Variants in PCDHA3 observed in about 807,000 individuals in gnomAD.
The protein encoded by PCDHA3 is protocadherin alpha-3.
Under a neutral mutation model 62.2 loss-of-function variants are expected in PCDHA3, and 41 were observed. The observed-to-expected ratio is 0.66, with a 90% CI of 0.51 to 0.86. The LOEUF is 0.86. Ranked by LOEUF, PCDHA3 falls within the 40% of genes least tolerant of loss-of-function variation. PCDHA3 has a pLI of 0.00. For synonymous variants in PCDHA3, 640 were observed against 555.4 expected, an observed-to-expected ratio of 1.15 and a Z score of -2.14; for missense variants, 1,304 against 1,241.2, an observed-to-expected ratio of 1.05 and a Z score of -0.76.
intron 1 of PCDHA3, chr5:140,821,907 T>C: frequency 6.2e-7 from 1 of 1,614,212 alleles, no homozygotes; most frequent in Non-Finnish European, 8.5e-7. Context: ...GAACCTTCGT[T>C]GGCCGCATCG....
chr5:140,809,480 C>T (rs1554125244), intron 1 of PCDHA3: 2 of 1,614,122 alleles, frequency 1.2e-6, no homozygotes, highest in Admixed American at 1.7e-5. Flanking sequence ...TGAGGGCCCA[C>T]CCAAGACCGA....
rs1554131961 is a variant in PCDHA3, at chr5:140,829,444, T to C, written c.2394+25853T>C. On this transcript the variant is annotated intron_variant, in intron 1 of 3. Coordinates refer to ENST00000522353, the MANE Select transcript of PCDHA3 (RefSeq NM_018906.3). Reference sequence around the variant, plus strand: ...TGGAGGTGGCCGACATGAATGACAATGCTCCGGCGTTCGCGCAGCCCGAGT... The same window carrying C: ...TGGAGGTGGCCGACATGAATGACAACGCTCCGGCGTTCGCGCAGCCCGAGT... 6.8e-6 allele frequency: 11 copies of C among 1,613,940 alleles called. No homozygotes were observed. The East Asian group carries it at 1.3e-4, about 20-fold the overall frequency.
intron 1 of PCDHA3, chr5:140,841,217 C>A: frequency 7.0e-7 from 1 of 1,422,140 alleles, no homozygotes; most frequent in Non-Finnish European, 9.5e-7. Context: ...TCTCTAAAGG[C>A]CGAACAACGG....
In PCDHA3 at chr5:140,838,075, ATAGTGTGTGTGTGTGTGT is replaced by A. The variant is rs1389630911; in HGVS notation, c.2394+34485_2394+34502del. ...GTTTTCCACTTTAAGTTATATATAT[ATAGTGTGTGTGTGTGTGT>A]GTGTGTGTGTGTGTGTGTGTGTGTG... On this transcript the variant is annotated intron_variant, in intron 1 of 3. Coordinates refer to ENST00000522353, the MANE Select transcript of PCDHA3 (RefSeq NM_018906.3). Among the ~76,000 whole-genome samples the A allele has an allele frequency of 3.2e-3, 416 of 128,230 alleles. 8 individuals are homozygous for A. The highest frequency in any genetic ancestry group is 9.2e-3 in the African/African-American group (302 of 32,656). The allele number at this position is 128,230 out of a possible 152,430, so 84.1% of individuals were successfully genotyped here.
intron 1 of PCDHA3, among the ~76,000 whole-genome samples, chr5:140,978,464 C>T (rs1281042342): frequency 5.3e-5 from 8 of 152,226 alleles, no homozygotes; most frequent in Non-Finnish European, 2.9e-5. Flanking sequence ...CGCCCTGGGT[C>T]AAATATGCTG....
chr5:140,998,664 A>C (rs1204598567), intron 3 of PCDHA3, among the ~76,000 whole-genome samples: 1 of 151,936 alleles, frequency 6.6e-6, no homozygotes, highest in Non-Finnish European at 1.5e-5. Flanking sequence ...TCCTGGGTTC[A>C]AGTGATTCTC....
intron 3 of PCDHA3, among the ~76,000 whole-genome samples, chr5:140,985,779 G>A (rs2097170620): frequency 7.9e-6 from 1 of 126,148 alleles, no homozygotes; most frequent in Non-Finnish European, 1.6e-5. Flanking sequence ...TCGCTCTGTC[G>A]CCCAGGCTGG....
Position 140,809,392 on chromosome 5 carries a change from C to T in PCDHA3, c.2394+5801C>T, listed in dbSNP as rs782047510. The T allele has an allele frequency of 2.5e-6, 4 of 1,614,100 alleles. No homozygotes were observed. The South Asian group carries it at 4.4e-5, about 18-fold the overall frequency. ...CCACCGAGGGCGCGTGCGCTCCGGG[C>T]AAGCCCACGCTGGTGTGCTCCAGTG... On this transcript the variant is annotated intron_variant, in intron 1 of 3. Transcript: ENST00000522353.
At chr5:140,986,461 C>A (rs1554248079) in intron 3 of PCDHA3, among the ~76,000 whole-genome samples, 1 of 152,154 alleles carries the variant, frequency 6.6e-6, no homozygotes. Flanking sequence ...TTAATGAATG[C>A]CCTCTTGTGA....
intron 1 of PCDHA3, among the ~76,000 whole-genome samples, chr5:140,819,138 A>G (rs1283315927): frequency 6.6e-6 from 1 of 152,218 alleles, no homozygotes; most frequent in Non-Finnish European, 1.5e-5. Context: ...ATAATAGAAT[A>G]AATTAATTTT....
At position 140,858,665 on chromosome 5, in the gene PCDHA3, A is replaced by G. The variant is rs2045550518; in HGVS notation, c.2394+55074A>G. On this transcript the variant is annotated intron_variant, in intron 1 of 3. Transcript: ENST00000522353. ...GGTACTTAAATTTTTTTAAATAACAATTTATTCTGAATACACTAATATTTT... is the reference window on the plus strand; with the variant it reads ...GGTACTTAAATTTTTTTAAATAACAGTTTATTCTGAATACACTAATATTTT... 5.6e-6 allele frequency: 4 copies of G among 718,718 alleles called. 1 individual carries two copies. The highest frequency in any genetic ancestry group is 1.8e-5 in the African/African-American group (1 of 55,644). 44.5% of individuals were successfully genotyped at this position (718,718 alleles called of 1,614,324 possible).
chr5:140,887,649 T>C (rs2061527192), intron 1 of PCDHA3, among the ~76,000 whole-genome samples: 1 of 152,162 alleles, frequency 6.6e-6, no homozygotes, highest in South Asian at 2.1e-4. Context: ...TTTGTTGATA[T>C]TCTTGGATCT....
chr5:140,808,705 C>G (rs1562218779), intron 1 of PCDHA3: 1 of 1,612,176 alleles, frequency 6.2e-7, no homozygotes, highest in Admixed American at 1.7e-5. Flanking sequence ...CGCTGTCGAG[C>G]TACGTTTCGG....
intron 3 of PCDHA3, 123 bp from the exon 4 acceptor site, chr5:141,009,504 A>G: frequency 1.3e-6 from 2 of 1,497,074 alleles, no homozygotes; most frequent in Non-Finnish European, 1.8e-6. Flanking sequence ...ACTTGAACAA[A>G]CAACTCGTGA....
chr5:140,975,578 C>T (rs2096673039), intron 1 of PCDHA3, among the ~76,000 whole-genome samples: 2 of 152,232 alleles, frequency 1.3e-5, no homozygotes, highest in Non-Finnish European at 2.9e-5. Flanking sequence ...TATGCAGTCT[C>T]ATGTCCCAGA....
At chr5:140,829,172 G>A (rs2150163481) in intron 1 of PCDHA3, 2 of 1,614,134 alleles carry the variant, frequency 1.2e-6, no homozygotes, top group East Asian at 4.5e-5. Context: ...GCCTGTACGT[G>A]AAGACGCTCA....
At position 140,803,382 on chromosome 5, in the gene PCDHA3, G is replaced by A. The variant is rs547051375; in HGVS notation, c.2185G>A (p.Glu729Lys). 3.3e-5 allele frequency: 53 copies of A among 1,614,202 alleles called. No individual in the cohort carries two copies. The South Asian group carries it at 5.2e-4, about 16-fold the overall frequency. Reference protein sequence around the residue: ...TALRCSAPPTEGDCGPGKPTL... With the variant: ...TALRCSAPPTKGDCGPGKPTL... ...TCTGCGGTGCTCCGCGCCGCCAACCGAAGGCGACTGTGGGCCGGGCAAGCC... is the reference window on the plus strand; with the variant it reads ...TCTGCGGTGCTCCGCGCCGCCAACCAAAGGCGACTGTGGGCCGGGCAAGCC... Residue 729 changes from glutamate (E) to lysine (K), a missense_variant, in exon 1 of 4, where the codon GAA becomes AAA. Transcript: ENST00000522353.
At chr5:140,808,031 T>C (rs1764084602) in intron 1 of PCDHA3, 2 of 1,613,868 alleles carry the variant, frequency 1.2e-6, no homozygotes, top group Admixed American at 1.7e-5. Context: ...TTATTCATTC[T>C]CAAATGATAT....
rs111391918 is a variant in PCDHA3 at position 140,984,395 on chromosome 5, G to A, written c.2542+1832G>A. ...CCCTCTTTCAGATTCAAAAAATGTTGAGAACCTATCTTTTTTACAGAGATA... is the reference window on the plus strand; with the variant it reads ...CCCTCTTTCAGATTCAAAAAATGTTAAGAACCTATCTTTTTTACAGAGATA... On this transcript the variant is annotated intron_variant, in intron 3 of 3. Coordinates refer to ENST00000522353, the MANE Select transcript of PCDHA3 (RefSeq NM_018906.3). 6.4e-3 allele frequency among the ~76,000 whole-genome samples: 978 copies of A among 152,194 alleles called. 14 individuals are homozygous for A. Among genetic ancestry groups the A allele is most frequent in the African/African-American group, 0.023 (947 of 41,508 alleles).
Sources: gnomAD v4.1 joint callset for allele counts (sites outside exome capture counted in the v4.1 genomes callset) on GRCh38, gnomAD v4.1.1 for gene constraint, MANE v1.5 for transcripts, NCBI Gene and HGNC (gene_info 2026-07-23, HGNC 2026-07-21) for gene names.